ZNF407: variants seen among roughly 807,000 people sequenced by gnomAD.
ZNF407 encodes the protein zinc finger protein 407.
In ZNF407, 17 loss-of-function variants were observed where a neutral mutation model predicts 131.2. The observed-to-expected ratio is 0.13, with a 90% CI of 0.09 to 0.19. ZNF407 has a LOEUF of 0.19. Among genes scored for constraint, ZNF407 ranks in the 10% least tolerant of loss-of-function variants. The pLI is 1.00. For synonymous variants in ZNF407, 1,156 were observed against 1,062.0 expected (o/e 1.09, Z -1.72); for missense variants, 2,681 against 2,830.6 (o/e 0.95, Z 1.20).
chr18:75,037,096 T>G (rs1973317853), intron 8 of ZNF407, among the ~76,000 whole-genome samples: 1 of 152,218 alleles, frequency 6.6e-6, no homozygotes, highest in South Asian at 2.1e-4. Flanking sequence ...AGGCATTCAT[T>G]AGGAATTCTC....
At chr18:74,940,393 T>TG (rs1278139736) in intron 8 of ZNF407, among the ~76,000 whole-genome samples, 1 of 151,918 alleles carries the variant, frequency 6.6e-6, no homozygotes, top group Non-Finnish European at 1.5e-5. Flanking sequence ...GGCACTGGGG[T>TG]GGGGCTGGCC....
intron 8 of ZNF407, among the ~76,000 whole-genome samples, chr18:75,043,705 G>A (rs943528451): frequency 1.3e-5 from 2 of 152,214 alleles, no homozygotes; most frequent in Non-Finnish European, 2.9e-5. Flanking sequence ...TTCTGTAGCA[G>A]CCATATCAGC....
chr18:75,009,865 G>C (rs922639420), intron 8 of ZNF407, among the ~76,000 whole-genome samples: 3 of 152,130 alleles, frequency 2.0e-5, no homozygotes, highest in African/African-American at 7.2e-5. Flanking sequence ...TATTTCAATA[G>C]TCATAAGACT....
At chr18:74,679,785 G>T (rs1044186255) in intron 3 of ZNF407, among the ~76,000 whole-genome samples, 1 of 152,114 alleles carries the variant, frequency 6.6e-6, no homozygotes, top group Non-Finnish European at 1.5e-5. Context: ...ATGATCTTGT[G>T]AATACTTGAA....
At chr18:74,838,853 A>G (rs536817688) in intron 4 of ZNF407, among the ~76,000 whole-genome samples, 1 of 152,316 alleles carries the variant, frequency 6.6e-6, no homozygotes, top group East Asian at 1.9e-4. Flanking sequence ...GCTTTTATGT[A>G]TAATTTCAAA....
At chr18:74,650,020 G>A (rs1015061187) in intron 3 of ZNF407, among the ~76,000 whole-genome samples, 1 of 152,116 alleles carries the variant, frequency 6.6e-6, no homozygotes, top group African/African-American at 2.4e-5. Flanking sequence ...AAGCAATTTG[G>A]GTATTCATTG....
chr18:74,790,367 G>A (rs1322906888), intron 4 of ZNF407, among the ~76,000 whole-genome samples: 3 of 152,168 alleles, frequency 2.0e-5, no homozygotes. Flanking sequence ...TTGCCCTTGT[G>A]TGTATAATAC....
At chr18:74,670,941 C>T (rs1274282262) in intron 3 of ZNF407, among the ~76,000 whole-genome samples, 1 of 152,244 alleles carries the variant, frequency 6.6e-6, no homozygotes, top group African/African-American at 2.4e-5. Context: ...GCTGGGATTA[C>T]AGGCGTGAGC....
intron 8 of ZNF407, among the ~76,000 whole-genome samples, chr18:75,057,580 G>A (rs1973575269): frequency 1.3e-5 from 2 of 152,168 alleles, no homozygotes; most frequent in Non-Finnish European, 2.9e-5. Context: ...GCACGTGTGC[G>A]GCCGAGGAGC....
intron 8 of ZNF407, among the ~76,000 whole-genome samples, chr18:75,021,656 G>A (rs188013654): frequency 3.1e-4 from 47 of 152,046 alleles, no homozygotes; most frequent in Non-Finnish European, 5.9e-4. Context: ...GACTTACTAG[G>A]ATAGCAGTTT....
rs142519680 is a variant in ZNF407, at chr18:74,692,618, A to G, written c.4802+51496A>G. ...CGTGTCTTTGTTGGTCTTGGGGAGGAGTTTCCTGCTTCTCCCCTAGCGGTA... is the reference window on the plus strand; with the variant it reads ...CGTGTCTTTGTTGGTCTTGGGGAGGGGTTTCCTGCTTCTCCCCTAGCGGTA... On this transcript the variant is annotated intron_variant, in intron 3 of 8. Transcript: ENST00000299687. 3.0e-3 allele frequency among the ~76,000 whole-genome samples: 454 copies of G among 151,688 alleles called. 4 individuals are homozygous for G. Among genetic ancestry groups the G allele is most frequent in the South Asian group, 7.5e-3 (36 of 4,794 alleles).
At chr18:74,608,109 A>G (rs555366405) in intron 1 of ZNF407, among the ~76,000 whole-genome samples, 3 of 152,242 alleles carry the variant, frequency 2.0e-5, no homozygotes, top group Non-Finnish European at 4.4e-5. Context: ...AGAATTGCAA[A>G]AATAGTCTAG....
rs1984100511 is a variant in ZNF407, at chr18:74,631,709, A to G, written c.690A>G (p.Leu230=). The change falls in exon 2 of 9, where the codon CTA becomes CTG. Residue 230 remains leucine, a synonymous_variant. Transcript: ENST00000299687. ...CSHKAESSSA[L]HMHIKQAHGP... is the part of the protein sequence containing the mutation. ...ACAAAGCAGAGAGCAGCTCAGCACT[A>G]CATATGCATATCAAACAAGCACATG... 2 of 1,613,942 alleles carry G rather than the reference A, an allele frequency of 1.2e-6. No individual in the cohort carries two copies. The highest frequency in any genetic ancestry group is 1.7e-6 in the Non-Finnish European group (2 of 1,179,908).
chr18:74,749,344 G>T (rs958381063), intron 3 of ZNF407, among the ~76,000 whole-genome samples: 2 of 152,014 alleles, frequency 1.3e-5, no homozygotes, highest in African/African-American at 4.8e-5. Context: ...CAGCCTTCTT[G>T]CTGGAAAACA....
chr18:74,758,690 A>G (rs530768388), intron 3 of ZNF407, among the ~76,000 whole-genome samples: 1 of 152,112 alleles, frequency 6.6e-6, no homozygotes, highest in Non-Finnish European at 1.5e-5. Flanking sequence ...TCCTGAGTTC[A>G]AGCGATTCTC....
intron 3 of ZNF407, among the ~76,000 whole-genome samples, chr18:74,702,718 T>C (rs1967528520): frequency 6.6e-6 from 1 of 152,176 alleles, no homozygotes; most frequent in African/African-American, 2.4e-5. Context: ...TAAATACATA[T>C]TTCCCTATAA....
At position 74,677,828 on chromosome 18, in the gene ZNF407, A is replaced by G. The variant is rs527479464; in HGVS notation, c.4802+36706A>G. Among the ~76,000 whole-genome samples, 208 of 151,592 alleles carry G rather than the reference A, an allele frequency of 1.4e-3. 1 individual carries two copies. The highest frequency in any genetic ancestry group is 4.7e-3 in the African/African-American group (192 of 41,252). On this transcript the variant is annotated intron_variant, in intron 3 of 8. Coordinates refer to ENST00000299687, the MANE Select transcript of ZNF407 (RefSeq NM_017757.3). ...TTTTTTCTCTCATTTTATGCTGGCCATTTATTTATTCGAGACGGAGTTTCT... is the reference window on the plus strand; with the variant it reads ...TTTTTTCTCTCATTTTATGCTGGCCGTTTATTTATTCGAGACGGAGTTTCT...
At chr18:74,958,711 G>A (rs1972305247) in intron 8 of ZNF407, among the ~76,000 whole-genome samples, 1 of 152,188 alleles carries the variant, frequency 6.6e-6, no homozygotes, top group Non-Finnish European at 1.5e-5. Context: ...TATAAACATT[G>A]GCATAAAGGG....
rs1178458070 is a variant in ZNF407 at position 74,999,308 on chromosome 18, C to T, written c.5429-63842C>T. On this transcript the variant is annotated intron_variant, in intron 8 of 8. Transcript: ENST00000299687. Reference sequence around the variant, plus strand: ...GCACATGTATACATATGTAACTAACCTGCACAATGTGCACATGTACCCTAA... The same window carrying T: ...GCACATGTATACATATGTAACTAACTTGCACAATGTGCACATGTACCCTAA... 2.8e-5 allele frequency among the ~76,000 whole-genome samples: 3 copies of T among 107,932 alleles called. No homozygotes were observed. The East Asian group carries it at 8.2e-4, about 30-fold the overall frequency. The allele number at this position is 107,932 out of a possible 152,430, so 70.8% of individuals were successfully genotyped here.
Sources: gnomAD v4.1 joint callset for allele counts (sites outside exome capture counted in the v4.1 genomes callset) on GRCh38, gnomAD v4.1.1 for gene constraint, MANE v1.5 for transcripts, NCBI Gene and HGNC (gene_info 2026-07-23, HGNC 2026-07-21) for gene names.